Variants in TMPRSS11F observed in about 807,000 individuals in gnomAD.
The protein encoded by TMPRSS11F is transmembrane serine protease 11F.
In TMPRSS11F, 47 loss-of-function variants were observed where a neutral mutation model predicts 60.2. That is an observed-to-expected ratio of 0.78 (90% CI 0.62 to 1.00). The LOEUF (loss-of-function observed/expected upper bound fraction) is 1.00. TMPRSS11F is among the 50% of genes least tolerant of loss of function. The probability of loss-of-function intolerance (pLI) is 0.00; values close to 1 mark genes in which losing one functional copy is unlikely to be tolerated. For synonymous variants in TMPRSS11F, 166 were observed against 167.3 expected, an observed-to-expected ratio of 0.99 and a Z score of 0.06; for missense variants, 519 against 522.9, an observed-to-expected ratio of 0.99 and a Z score of 0.07.
Position 68,069,952 on chromosome 4 carries a change from T to C in TMPRSS11F, c.553+17A>G, listed in dbSNP as rs968366179. On this transcript the variant is annotated intron_variant, in intron 6 of 9. Transcript: ENST00000356291. Reference sequence around the variant, plus strand: ...TTACTGTGAAATAAACAGTTAATTGTGGGTTTTGGAACTTACGACTGTTGA... The same window carrying C: ...TTACTGTGAAATAAACAGTTAATTGCGGGTTTTGGAACTTACGACTGTTGA... The C allele has an allele frequency of 1.3e-6, 2 of 1,585,428 alleles. No homozygotes were observed. The highest frequency in any genetic ancestry group is 1.4e-5 in the African/African-American group (1 of 73,992).
intron 1 of TMPRSS11F, among the ~76,000 whole-genome samples, chr4:68,104,229 T>G (rs895795031): frequency 6.6e-6 from 1 of 152,174 alleles, no homozygotes; most frequent in African/African-American, 2.4e-5. Flanking sequence ...TTGGTGGAAA[T>G]GCATTCAGTT....
At chr4:68,058,336 T>C (rs759848176) in intron 9 of TMPRSS11F, among the ~76,000 whole-genome samples, 5 of 152,178 alleles carry the variant, frequency 3.3e-5, no homozygotes, top group Non-Finnish European at 5.9e-5. Flanking sequence ...ACTCCATAGA[T>C]GTAATACAAT....
At chr4:68,081,929 A>G (rs528381521) in intron 3 of TMPRSS11F, among the ~76,000 whole-genome samples, 4 of 152,322 alleles carry the variant, frequency 2.6e-5, no homozygotes, top group Non-Finnish European at 4.4e-5. Flanking sequence ...TTTGCCACCA[A>G]TGAAAAATAA....
intron 1 of TMPRSS11F, among the ~76,000 whole-genome samples, chr4:68,109,179 A>G (rs1482464521): frequency 6.6e-6 from 1 of 152,128 alleles, no homozygotes; most frequent in Non-Finnish European, 1.5e-5. Flanking sequence ...AACAAGTTCT[A>G]ATTGAGCACC....
At position 68,053,963 on chromosome 4, in the gene TMPRSS11F, G is replaced by A. The variant is rs1422205091; in HGVS notation, c.1263C>T (p.Val421=). The part of the protein sequence containing the change: ...QSCALPKKPG[V]YTRVTKYRDW... ...CTCGATACTTAGTTACTCTGGTGTA[G>A]ACTCCAGGTTTTTTGGGAAGTGCAC... is the stretch of plus-strand genomic sequence containing the variant. Residue 421 remains valine (V), a synonymous_variant, in exon 10 of 10, where the codon GTC becomes GTT. Transcript: ENST00000356291. The A allele has an allele frequency of 3.1e-6, 5 of 1,613,588 alleles. No homozygotes were observed. The highest frequency in any genetic ancestry group is 1.7e-6 in the Non-Finnish European group (2 of 1,179,706).
intron 2 of TMPRSS11F, 91 bp downstream of exon 2, chr4:68,098,796 T>C: frequency 8.4e-7 from 1 of 1,197,122 alleles, no homozygotes; most frequent in South Asian, 1.6e-5. Flanking sequence ...AATGTTAATA[T>C]CATGCAAATG....
chr4:68,109,730 C>T (rs1292331946), intron 1 of TMPRSS11F, among the ~76,000 whole-genome samples: 2 of 152,086 alleles, frequency 1.3e-5, no homozygotes, highest in South Asian at 2.1e-4. Context: ...TAACATATGA[C>T]CAGTATTATT....
At chr4:68,110,549 T>C (rs1262644159) in intron 1 of TMPRSS11F, among the ~76,000 whole-genome samples, 1 of 152,080 alleles carries the variant, frequency 6.6e-6, no homozygotes, top group Non-Finnish European at 1.5e-5. Flanking sequence ...GTCCAGCTGT[T>C]CTATTTTAAG....
chr4:68,088,204 C>G (rs960710729), intron 3 of TMPRSS11F, among the ~76,000 whole-genome samples: 4 of 151,452 alleles, frequency 2.6e-5, no homozygotes, highest in Admixed American at 1.3e-4. Flanking sequence ...GAAGATCTAC[C>G]AAGCAAATGG....
rs1482393632 is a variant in TMPRSS11F, at chr4:68,090,633, A to G, written c.172T>C (p.Ser58Pro). The change falls in exon 3 of 10, where the codon TCT (serine) becomes CCT (proline). Residue 58 changes from serine to proline, a missense_variant. Transcript: ENST00000356291. ...VTHFVVEDDK[S>P]FYYLASFKVT... is the part of the protein sequence containing the mutation. ...TTAAAAGAGGCAAGGTAATAGAAAG[A>G]CTTATCATCTGAAAGGTAAAACAAA... The G allele has an allele frequency of 1.6e-5, 25 of 1,593,626 alleles. No homozygotes were observed. In the Admixed American group the frequency reaches 4.5e-4, roughly 28 times the overall value.
intron 3 of TMPRSS11F, among the ~76,000 whole-genome samples, chr4:68,074,436 A>G (rs933632043): frequency 2.0e-5 from 3 of 152,218 alleles, no homozygotes; most frequent in African/African-American, 7.2e-5. Flanking sequence ...TTAAGACAGC[A>G]TCCCTATTTC....
At chr4:68,115,053 G>A (rs1456276826) in intron 1 of TMPRSS11F, among the ~76,000 whole-genome samples, 6 of 147,068 alleles carry the variant, frequency 4.1e-5, no homozygotes, top group African/African-American at 1.5e-4. Context: ...GCTAGGGATA[G>A]AAGAAAAGTT....
At chr4:68,122,057 TTAAG>T (rs1430209493) in intron 1 of TMPRSS11F, among the ~76,000 whole-genome samples, 5 of 152,220 alleles carry the variant, frequency 3.3e-5, no homozygotes, top group African/African-American at 9.7e-5. Context: ...TGAGTATGTA[TTAAG>T]TGATTCATTA....
intron 2 of TMPRSS11F, among the ~76,000 whole-genome samples, chr4:68,091,771 CTCTCTCTCTCTCTA>C (rs1465515006): frequency 1.6e-5 from 1 of 63,574 alleles, no homozygotes; most frequent in Admixed American, 2.1e-4. Flanking sequence ...CTCTCTCTCT[CTCTCTCTCTCTCTA>C]TCTATCTATC....
chr4:68,076,517 A>G (rs1183243324), intron 3 of TMPRSS11F, among the ~76,000 whole-genome samples: 1 of 152,164 alleles, frequency 6.6e-6, no homozygotes, highest in Non-Finnish European at 1.5e-5. Flanking sequence ...AGGTAGCTCT[A>G]TTGGGGTAGC....
intron 1 of TMPRSS11F, among the ~76,000 whole-genome samples, chr4:68,125,302 C>T (rs1453889687): frequency 6.6e-6 from 1 of 151,818 alleles, no homozygotes; most frequent in African/African-American, 2.4e-5. Context: ...CTTCAAAATA[C>T]TCTACATTCA....
intron 1 of TMPRSS11F, among the ~76,000 whole-genome samples, chr4:68,124,143 C>A (rs1333095698): frequency 1.3e-5 from 2 of 151,788 alleles, no homozygotes; most frequent in African/African-American, 4.8e-5. Flanking sequence ...ATCACTTGAA[C>A]CCGAGTGGCG....
At chr4:68,092,485 A>G (rs1723964321) in intron 2 of TMPRSS11F, among the ~76,000 whole-genome samples, 1 of 152,170 alleles carries the variant, frequency 6.6e-6, no homozygotes, top group Non-Finnish European at 1.5e-5. Flanking sequence ...AGAAATATGA[A>G]TCAGGGTGAC....
intron 2 of TMPRSS11F, among the ~76,000 whole-genome samples, chr4:68,097,709 T>C (rs781476397): frequency 1.6e-4 from 24 of 150,066 alleles, no homozygotes; most frequent in Non-Finnish European, 2.5e-4. Flanking sequence ...TATCCCTTCA[T>C]TTTTTTTTCG....
Sources: gnomAD v4.1 joint callset for allele counts (sites outside exome capture counted in the v4.1 genomes callset) on GRCh38, gnomAD v4.1.1 for gene constraint, MANE v1.5 for transcripts, NCBI Gene and HGNC (gene_info 2026-07-23, HGNC 2026-07-21) for gene names.